The following SLC35F3 variants were observed in gnomAD, a reference collection of about 807,000 sequenced individuals.
SLC35F3 encodes the protein solute carrier family 35 member F3.
SLC35F3 carries 25 observed loss-of-function variants against 49.9 expected under a neutral mutation model. The ratio of observed to expected loss-of-function variants is 0.50; its 90% confidence interval spans 0.37 to 0.70. The LOEUF (loss-of-function observed/expected upper bound fraction) is 0.70, where lower values mean the gene tolerates loss of function less well. SLC35F3 is among the 30% of genes least tolerant of loss of function. The pLI is 0.00. For synonymous variants in SLC35F3, 275 were observed against 265.4 expected (o/e 1.04, Z -0.35); for missense variants, 525 against 639.8 (o/e 0.82, Z 1.94).
chr1:233,936,517 CTCCTCCTCCTCCTCCTTCT>C (rs1224501455), intron 2 of SLC35F3, among the ~76,000 whole-genome samples: 1 of 51,884 alleles, frequency 1.9e-5, no homozygotes, highest in Non-Finnish European at 6.5e-5. Flanking sequence ...CCTTCTTGTT[CTCCTCCTCCTCCTCCTTCT>C]TCCTCCTCCT....
rs566143722 is a variant in SLC35F3 at position 234,219,930 on chromosome 1, G to T, written c.284-11487G>T. The stretch of plus-strand genomic sequence containing the variant: ...GACAGAGGGAGCCACAGACGAAGGC[G>T]CAGAGCTAGGAGAGGGTGGCGCTGG... On this transcript the variant is annotated intron_variant, in intron 2 of 7. Coordinates refer to ENST00000366618, the MANE Select transcript of SLC35F3 (RefSeq NM_173508.4). 5.9e-5 allele frequency among the ~76,000 whole-genome samples: 9 copies of T among 152,338 alleles called. 1 individual carries two copies. Among genetic ancestry groups the T allele is most frequent in the African/African-American group, 2.2e-4 (9 of 41,560 alleles).
intron 3 of SLC35F3, among the ~76,000 whole-genome samples, chr1:234,241,756 ATGGAGACAATAATGCC>A (rs1667556728): frequency 1.4e-5 from 2 of 145,168 alleles, no homozygotes; most frequent in South Asian, 4.4e-4. Context: ...AAAAAAAAAA[ATGGAGACAATAATGCC>A]TGTTTACACG....
intron 2 of SLC35F3, among the ~76,000 whole-genome samples, chr1:234,061,287 T>C (rs1361513623): frequency 6.6e-6 from 1 of 152,198 alleles, no homozygotes; most frequent in African/African-American, 2.4e-5. Flanking sequence ...GTTATCACAC[T>C]GCCCTTTGGC....
At chr1:234,296,495 C>T (rs937391759) in intron 3 of SLC35F3, among the ~76,000 whole-genome samples, 19 of 152,206 alleles carry the variant, frequency 1.2e-4, no homozygotes, top group African/African-American at 3.6e-4. Context: ...TCAGAAGGTC[C>T]GTCCTTCCTA....
intron 2 of SLC35F3, among the ~76,000 whole-genome samples, chr1:234,066,399 C>T (rs4076949): frequency 0.27 from 40,702 of 151,834 alleles, 6,584 homozygotes; most frequent in African/African-American, 0.47. Context: ...CTCATTCTGC[C>T]CCAACTACGC....
At chr1:234,004,800 C>A (rs561181133) in intron 2 of SLC35F3, among the ~76,000 whole-genome samples, 2 of 152,228 alleles carry the variant, frequency 1.3e-5, no homozygotes, top group Non-Finnish European at 1.5e-5. Flanking sequence ...CTGTATCATG[C>A]CCCCAGTACA....
chr1:234,200,149 A>T (rs1029583811), intron 2 of SLC35F3, among the ~76,000 whole-genome samples: 1 of 152,060 alleles, frequency 6.6e-6, no homozygotes, highest in African/African-American at 2.4e-5. Context: ...AGCCAAAGGA[A>T]TTAAAATCAC....
intron 2 of SLC35F3, among the ~76,000 whole-genome samples, chr1:234,075,727 A>C (rs1221173530): frequency 1.3e-5 from 2 of 150,056 alleles, no homozygotes; most frequent in Non-Finnish European, 2.9e-5. Context: ...AAAGGAAAAA[A>C]ATAAGCTGGA....
intron 2 of SLC35F3, among the ~76,000 whole-genome samples, chr1:234,005,925 T>G (rs1663624206): frequency 1.3e-5 from 2 of 152,154 alleles, no homozygotes; most frequent in African/African-American, 4.8e-5. Flanking sequence ...TCTCTTAATT[T>G]TGGGCAAATT....
At chr1:233,981,259 G>A (rs991228203) in intron 2 of SLC35F3, among the ~76,000 whole-genome samples, 9 of 152,092 alleles carry the variant, frequency 5.9e-5, no homozygotes, top group East Asian at 1.9e-4. Context: ...GACACAGAAC[G>A]GATCCTTCAC....
chr1:234,100,919 C>T (rs1273906798), intron 2 of SLC35F3, among the ~76,000 whole-genome samples: 1 of 152,110 alleles, frequency 6.6e-6, no homozygotes, highest in Non-Finnish European at 1.5e-5. Flanking sequence ...CAGTGTTTTC[C>T]GGAGCTCTTT....
intron 2 of SLC35F3, among the ~76,000 whole-genome samples, chr1:233,961,872 G>C (rs1458282165): frequency 6.6e-6 from 1 of 152,166 alleles, no homozygotes; most frequent in African/African-American, 2.4e-5. Flanking sequence ...ACTGGATGGA[G>C]ACAGCATCTT....
At chr1:234,299,606 T>C (rs868786587) in intron 3 of SLC35F3, among the ~76,000 whole-genome samples, 7 of 151,758 alleles carry the variant, frequency 4.6e-5, no homozygotes, top group African/African-American at 9.7e-5. Flanking sequence ...GAGATTGAGA[T>C]CATCCTGGCT....
intron 2 of SLC35F3, among the ~76,000 whole-genome samples, chr1:234,223,347 T>G (rs1667237839): frequency 6.6e-6 from 1 of 152,030 alleles, no homozygotes; most frequent in African/African-American, 2.4e-5. Context: ...TGCTTCAGAG[T>G]AGATCAGACA....
chr1:233,944,779 C>A lies in SLC35F3; in HGVS notation c.283+39021C>A, dbSNP rs145722226. Among the ~76,000 whole-genome samples the A allele has an allele frequency of 2.9e-3, 441 of 152,296 alleles. 3 individuals are homozygous for A. The highest frequency in any genetic ancestry group is 9.1e-3 in the South Asian group (44 of 4,826). On this transcript the variant is annotated intron_variant, in intron 2 of 7. Transcript: ENST00000366618. ...AGAATTTAAAGTGCCCTGCTTGTTGCAGAAACTGGTACAAGTCTATTGCCA... is the reference window on the plus strand; with the variant it reads ...AGAATTTAAAGTGCCCTGCTTGTTGAAGAAACTGGTACAAGTCTATTGCCA...
At chr1:234,276,719 G>A (rs902263699) in intron 3 of SLC35F3, among the ~76,000 whole-genome samples, 1 of 152,196 alleles carries the variant, frequency 6.6e-6, no homozygotes, top group African/African-American at 2.4e-5. Context: ...CTCCAGGCAG[G>A]TCACGTTCTA....
chr1:234,157,522 A>T (rs773425455), intron 2 of SLC35F3, among the ~76,000 whole-genome samples: 2 of 152,176 alleles, frequency 1.3e-5, no homozygotes, highest in African/African-American at 2.4e-5. Context: ...ACCCAATTTT[A>T]TTGAGTTAAT....
chr1:234,285,388 G>C (rs534895483), intron 3 of SLC35F3: 2 of 470,234 alleles, frequency 4.3e-6, no homozygotes, highest in East Asian at 1.3e-4. Context: ...CAAGCCAAGA[G>C]AGATGAATTA....
intron 2 of SLC35F3, among the ~76,000 whole-genome samples, chr1:234,096,846 G>A (rs561765162): frequency 9.1e-4 from 138 of 151,928 alleles, no homozygotes; most frequent in African/African-American, 3.2e-3. Context: ...CCCAGCAGTG[G>A]AATTGCTGGA....
Sources: allele counts gnomAD v4.1 joint callset (sites outside exome capture counted in the v4.1 genomes callset), GRCh38; gene constraint gnomAD v4.1.1; transcripts MANE v1.5; gene names NCBI Gene and HGNC (gene_info 2026-07-23, HGNC 2026-07-21).